HADH: variants seen among roughly 807,000 people sequenced by gnomAD.
HADH encodes hydroxyacyl-coenzyme A dehydrogenase, mitochondrial.
In HADH, 24 loss-of-function variants were observed where a neutral mutation model predicts 32.2. The ratio of observed to expected loss-of-function variants is 0.75; its 90% CI spans 0.54 to 1.05. HADH has a LOEUF of 1.05. Ranked by LOEUF, HADH falls within the 50% of genes least tolerant of loss-of-function variation. The pLI is 0.00. For missense variants in HADH, 350 were observed against 397.1 expected (o/e 0.88, Z 1.01); for synonymous variants, 139 against 152.5 (o/e 0.91, Z 0.65).
chr4:107,999,314 T>G (rs1735045577), intron 1 of HADH, among the ~76,000 whole-genome samples: 1 of 152,204 alleles, frequency 6.6e-6, no homozygotes, highest in African/African-American at 2.4e-5. Context: ...AATATTGATC[T>G]TGCATTGGGC....
chr4:107,997,097 T>C (rs999262238), intron 1 of HADH, among the ~76,000 whole-genome samples: 11 of 152,172 alleles, frequency 7.2e-5, no homozygotes, highest in Admixed American at 5.9e-4. Flanking sequence ...TTTTTTCCTC[T>C]CTGGATCAAA....
At chr4:108,016,506 C>A (rs1241936097) in intron 3 of HADH, among the ~76,000 whole-genome samples, 2 of 152,144 alleles carry the variant, frequency 1.3e-5, no homozygotes, top group East Asian at 3.9e-4. Flanking sequence ...CTTGTGGTAC[C>A]GGGACTGGCT....
intron 1 of HADH, among the ~76,000 whole-genome samples, chr4:108,003,182 T>C (rs1343236319): frequency 1.3e-5 from 2 of 151,848 alleles, no homozygotes; most frequent in African/African-American, 4.8e-5. Context: ...AAATTTATTT[T>C]CTCATAGTTC....
intron 6 of HADH, chr4:108,032,274 A>G: frequency 2.5e-6 from 3 of 1,184,398 alleles, no homozygotes; most frequent in South Asian, 1.4e-5. Context: ...CAAAGGACAT[A>G]GTAAATTTCC....
At position 108,014,428 on chromosome 4, in the gene HADH, T is replaced by C. The variant is rs1735618862; in HGVS notation, c.262-3T>C. On this transcript the variant is annotated splice_region_variant and splice_polypyrimidine_tract_variant and intron_variant, in intron 2 of 7. Transcript: ENST00000309522. ...TGTTCTCTTCTTCCTCCCACTGCAT[T>C]AGGCCGGCGATGAATTTGTGGAGAA... is the stretch of plus-strand genomic sequence containing the variant. The C allele has an allele frequency of 2.5e-6, 4 of 1,613,910 alleles. No homozygotes were observed. Among genetic ancestry groups the C allele is most frequent in the Non-Finnish European group, 3.4e-6 (4 of 1,179,982 alleles).
intron 1 of HADH, among the ~76,000 whole-genome samples, chr4:107,995,805 G>C (rs1047312279): frequency 1.3e-5 from 2 of 152,114 alleles, no homozygotes; most frequent in African/African-American, 4.8e-5. Context: ...GTATTGTGGG[G>C]AGAAGTGTGG....
intron 6 of HADH, chr4:108,028,883 C>T: frequency 2.5e-6 from 1 of 398,476 alleles, no homozygotes; most frequent in Non-Finnish European, 4.4e-6. Flanking sequence ...AGTTGAAAGC[C>T]CTCTTCTTGT....
rs1455045553 is a variant in HADH, at chr4:108,035,007, T to C, written c.*650T>C. On this transcript the variant is annotated 3_prime_UTR_variant, in exon 8 of 8. Coordinates refer to ENST00000309522, the MANE Select transcript of HADH (RefSeq NM_005327.7). ...CAGATCTGAATGATTACTGTCTGTC[T>C]GTGTCTTTTTTCCATGAGAAATCAC... 2 of 153,872 alleles carry C rather than the reference T, an allele frequency of 1.3e-5. No homozygotes were observed. Among genetic ancestry groups the C allele is most frequent in the African/African-American group, 4.8e-5 (2 of 41,464 alleles). The allele number at this position is 153,872 out of a possible 1,614,324, so 9.5% of individuals were successfully genotyped here.
Position 108,034,287 on chromosome 4 carries a change from C to G in HADH, c.875C>G (p.Ser292Cys). 1 of 1,613,700 alleles carries G rather than the reference C, an allele frequency of 6.2e-7. No homozygotes were observed. Reference protein sequence around the residue: ...AENPLHQPSPSLNKLVAENKF... With the variant: ...AENPLHQPSPCLNKLVAENKF... ...AACCCATTACATCAGCCCAGCCCAT[C>G]CTTAAATAAGCTGGTAGCAGAGAAC... is the stretch of plus-strand genomic sequence containing the variant. The change falls in exon 8 of 8, where the codon TCC (serine) becomes TGC (cysteine). Residue 292 changes from serine (S) to cysteine (C), a missense_variant. Transcript: ENST00000309522.
At chr4:108,028,722 A>C in intron 6 of HADH, 1 of 396,286 alleles carries the variant, frequency 2.5e-6, no homozygotes. Flanking sequence ...AGAGCATTTT[A>C]CCCTACCTTG....
At chr4:108,004,848 G>A (rs1398235011) in intron 1 of HADH, 12 of 1,535,818 alleles carry the variant, frequency 7.8e-6, no homozygotes, top group Admixed American at 3.9e-5. Context: ...ATGACCCTGC[G>A]GAGATGTTAA....
intron 1 of HADH, among the ~76,000 whole-genome samples, chr4:108,006,639 G>A (rs1295980256): frequency 6.6e-6 from 1 of 152,166 alleles, no homozygotes; most frequent in Non-Finnish European, 1.5e-5. Context: ...TGGAGTCTGA[G>A]AATTTGTATT....
chr4:108,003,837 A>AC lies in HADH; in HGVS notation c.133-5919dup, dbSNP rs201577290. Among the ~76,000 whole-genome samples, 115 of 151,052 alleles carry AC rather than the reference A, an allele frequency of 7.6e-4. 1 individual carries two copies. Among genetic ancestry groups the AC allele is most frequent in the African/African-American group, 2.2e-3 (92 of 41,044 alleles). ...AAAAAAAAAAAAAAACAAAAAAAAA[A>AC]CCCGCAAGCTATTGTGATGTGCCAG... is the stretch of plus-strand genomic sequence containing the variant. On this transcript the variant is annotated intron_variant, in intron 1 of 7. Coordinates refer to ENST00000309522, the MANE Select transcript of HADH (RefSeq NM_005327.7).
chr4:107,989,996 G>T lies in HADH; in HGVS notation c.64G>T (p.Ala22Ser). ...VSSSSTASAS[A>S]KKIIVKHVTV... Reference sequence around the variant, plus strand: ...CTCCTCGTCCACCGCCTCGGCCTCGGCCAAGAAGATAATCGTCAAGCACGT... The same window carrying T: ...CTCCTCGTCCACCGCCTCGGCCTCGTCCAAGAAGATAATCGTCAAGCACGT... The change falls in exon 1 of 8, where the codon GCC (alanine) becomes TCC (serine). Residue 22 changes from alanine to serine, a missense_variant. By Grantham distance (99) the Ala-to-Ser change is moderately conservative. Transcript: ENST00000309522. The T allele has an allele frequency of 6.2e-7, 1 of 1,612,372 alleles. No homozygotes were observed. The highest frequency in any genetic ancestry group is 8.5e-7 in the Non-Finnish European group (1 of 1,179,464).
intron 1 of HADH, among the ~76,000 whole-genome samples, chr4:108,006,434 AT>A (rs1478619429): frequency 6.6e-6 from 1 of 152,150 alleles, no homozygotes; most frequent in Non-Finnish European, 1.5e-5. Flanking sequence ...GACTAGAGGA[AT>A]TAGAATATCT....
chr4:108,003,263 C>T (rs1250624896), intron 1 of HADH, among the ~76,000 whole-genome samples: 7 of 152,238 alleles, frequency 4.6e-5, no homozygotes, highest in Non-Finnish European at 1.0e-4. Flanking sequence ...TTGTGTCTTG[C>T]TGGGGGAAGA....
At chr4:108,027,312 A>G (rs1293622001) in intron 5 of HADH, 2 of 360,068 alleles carry the variant, frequency 5.6e-6, no homozygotes, top group East Asian at 1.4e-4. Context: ...CTTTGAGACA[A>G]ACTGTCACCC....
chr4:108,015,238 A>T (rs539249138), intron 3 of HADH, among the ~76,000 whole-genome samples: 1 of 152,298 alleles, frequency 6.6e-6, no homozygotes, highest in South Asian at 2.1e-4. Context: ...ACTAATTTAC[A>T]TTGCCACCAC....
chr4:107,990,295 A>G (rs1470705908), intron 1 of HADH, among the ~76,000 whole-genome samples: 1 of 152,202 alleles, frequency 6.6e-6, no homozygotes. Context: ...CGTTTGGAAA[A>G]TTCTGGCTGC....
Sources: allele counts gnomAD v4.1 joint callset (sites outside exome capture counted in the v4.1 genomes callset), GRCh38; gene constraint gnomAD v4.1.1; transcripts MANE v1.5; gene names NCBI Gene and HGNC (gene_info 2026-07-23, HGNC 2026-07-21).